Variants in PTPRK observed in about 807,000 individuals in gnomAD.
The protein encoded by PTPRK is protein tyrosine phosphatase receptor type K.
PTPRK carries 75 observed loss-of-function variants against 178.0 expected under a neutral mutation model. That is an observed-to-expected ratio of 0.42 (90% confidence interval 0.35 to 0.51). The LOEUF is 0.51. Ranked by LOEUF, PTPRK falls within the 20% of genes least tolerant of loss-of-function variation. The pLI, the probability that PTPRK is intolerant of heterozygous loss-of-function variation, is 0.02. For missense variants in PTPRK, 1,441 were observed against 1,797.8 expected (o/e 0.80, Z 3.59); for synonymous variants, 637 against 620.6 (o/e 1.03, Z -0.39).
At chr6:128,000,440 G>T (rs2114689977) in intron 15 of PTPRK, 1 of 645,750 alleles carries the variant, frequency 1.5e-6, no homozygotes, top group Non-Finnish European at 2.1e-6. Context: ...TGCTCTTTTT[G>T]TAGCATTCAT....
chr6:128,133,885 G>A (rs1794628604), intron 7 of PTPRK, among the ~76,000 whole-genome samples: 1 of 152,046 alleles, frequency 6.6e-6, no homozygotes, highest in Non-Finnish European at 1.5e-5. Flanking sequence ...GAAATACACT[G>A]ATGTTGTGGG....
chr6:128,508,191 C>CA (rs1230107658), intron 1 of PTPRK, among the ~76,000 whole-genome samples: 4 of 152,112 alleles, frequency 2.6e-5, no homozygotes, highest in African/African-American at 9.7e-5. Flanking sequence ...GGCAGCGATG[C>CA]AAATATTACC....
At chr6:128,216,536 G>GAAA (rs1363945460) in intron 6 of PTPRK, among the ~76,000 whole-genome samples, 2 of 103,126 alleles carry the variant, frequency 1.9e-5, no homozygotes, top group Admixed American at 1.0e-4. Context: ...TTCTGTCTCA[G>GAAA]AAAAATAAAA....
chr6:128,190,397 T>A (rs1219484883), intron 6 of PTPRK, among the ~76,000 whole-genome samples: 1 of 151,952 alleles, frequency 6.6e-6, no homozygotes, highest in East Asian at 1.9e-4. Flanking sequence ...TACTATTAAG[T>A]TTTATTTACT....
chr6:128,408,330 G>A (rs1841933977), intron 1 of PTPRK, among the ~76,000 whole-genome samples: 1 of 152,206 alleles, frequency 6.6e-6, no homozygotes, highest in Non-Finnish European at 1.5e-5. Flanking sequence ...GGAGGTTACA[G>A]TGAGCCGAGA....
At chr6:128,300,652 C>G (rs376256093) in intron 3 of PTPRK, among the ~76,000 whole-genome samples, 1 of 136,872 alleles carries the variant, frequency 7.3e-6, no homozygotes. Context: ...TAGGTGGGAA[C>G]TGAACAATGA....
At chr6:128,111,074 T>C (rs760932097) in intron 7 of PTPRK, among the ~76,000 whole-genome samples, 29 of 152,210 alleles carry the variant, frequency 1.9e-4, no homozygotes, top group Non-Finnish European at 3.8e-4. Flanking sequence ...TAGTTTTCTA[T>C]ATTTTTGAGA....
intron 5 of PTPRK, among the ~76,000 whole-genome samples, chr6:128,221,649 T>A (rs1170509045): frequency 7.2e-5 from 11 of 152,146 alleles, no homozygotes; most frequent in Non-Finnish European, 1.5e-5. Flanking sequence ...CATATATGTT[T>A]CTGCATATGC....
intron 7 of PTPRK, among the ~76,000 whole-genome samples, chr6:128,135,078 T>TCTCA (rs764373135): frequency 2.9e-5 from 4 of 136,276 alleles, no homozygotes; most frequent in African/African-American, 1.1e-4. Flanking sequence ...AATCATTCAA[T>TCTCA]CACACACACA....
intron 13 of PTPRK, among the ~76,000 whole-genome samples, chr6:128,022,986 T>C (rs1773756317): frequency 6.6e-6 from 1 of 152,112 alleles, no homozygotes; most frequent in South Asian, 2.1e-4. Flanking sequence ...GATACGGAGA[T>C]TAAAAACTTA....
chr6:128,043,993 A>C (rs1285219130), intron 13 of PTPRK, among the ~76,000 whole-genome samples: 3 of 152,016 alleles, frequency 2.0e-5, no homozygotes, highest in African/African-American at 2.4e-5. Flanking sequence ...GAAACTAGGA[A>C]AATATTTGGA....
At chr6:128,479,265 G>GA (rs940702135) in intron 1 of PTPRK, among the ~76,000 whole-genome samples, 8 of 149,734 alleles carry the variant, frequency 5.3e-5, no homozygotes, top group South Asian at 2.1e-4. Flanking sequence ...GTCTCAGATG[G>GA]AAAAAAAAAA....
chr6:128,179,990 A>C (rs1481452827), intron 7 of PTPRK, among the ~76,000 whole-genome samples: 2 of 152,058 alleles, frequency 1.3e-5, no homozygotes, highest in Non-Finnish European at 2.9e-5. Context: ...AGAGCATTGA[A>C]CTTCAATATA....
At chr6:128,056,795 T>C (rs1779979260) in intron 13 of PTPRK, among the ~76,000 whole-genome samples, 1 of 152,128 alleles carries the variant, frequency 6.6e-6, no homozygotes, top group South Asian at 2.1e-4. Context: ...ACTGCATACA[T>C]ATTGGGTGTA....
chr6:128,311,965 C>T (rs999776970), intron 3 of PTPRK, among the ~76,000 whole-genome samples: 2 of 152,144 alleles, frequency 1.3e-5, no homozygotes, highest in Non-Finnish European at 2.9e-5. Context: ...TTAGACGACA[C>T]AGGAACCTTC....
chr6:128,274,838 C>T (rs1187675005), intron 3 of PTPRK, among the ~76,000 whole-genome samples: 1 of 151,866 alleles, frequency 6.6e-6, no homozygotes, highest in Non-Finnish European at 1.5e-5. Context: ...ATTCAGAAGA[C>T]AAATTTCTGG....
intron 12 of PTPRK, among the ~76,000 whole-genome samples, chr6:128,067,047 T>C (rs566033509): frequency 6.6e-6 from 1 of 152,328 alleles, no homozygotes; most frequent in East Asian, 1.9e-4. Flanking sequence ...CAGAGGATTG[T>C]TACATGTTAT....
chr6:128,411,962 G>T (rs1360764804), intron 1 of PTPRK, among the ~76,000 whole-genome samples: 1 of 152,102 alleles, frequency 6.6e-6, no homozygotes, highest in Non-Finnish European at 1.5e-5. Context: ...TCTAAATCTA[G>T]TAATTTTACA....
At chr6:128,449,941 C>CAAA (rs5879890) in intron 1 of PTPRK, among the ~76,000 whole-genome samples, 9 of 128,342 alleles carry the variant, frequency 7.0e-5, no homozygotes, top group Non-Finnish European at 1.1e-4. Context: ...ACTAAAAATG[C>CAAA]AAAAAAAAAA....
Sources: allele counts gnomAD v4.1 joint callset (sites outside exome capture counted in the v4.1 genomes callset), GRCh38; gene constraint gnomAD v4.1.1; transcripts MANE v1.5; gene names NCBI Gene and HGNC (gene_info 2026-07-23, HGNC 2026-07-21).